RBFOX1: variants seen among roughly 807,000 people sequenced by gnomAD.
RBFOX1 encodes RNA binding protein fox-1 homolog 1.
A neutral mutation model predicts 57.7 loss-of-function variants in RBFOX1; 8 were observed. The observed-to-expected ratio is 0.14, with a 90% CI of 0.08 to 0.25. The LOEUF is 0.25. Ranked by LOEUF, RBFOX1 falls within the 10% of genes least tolerant of loss-of-function variation. RBFOX1 has a pLI of 1.00. For missense variants in RBFOX1, 611 were observed against 548.5 expected, an observed-to-expected ratio of 1.11 and a Z score of -1.14; for synonymous variants, 326 against 222.4, an observed-to-expected ratio of 1.47 and a Z score of -4.15.
chr16:7,187,986 A>G (rs1360342272), intron 4 of RBFOX1, among the ~76,000 whole-genome samples: 1 of 152,244 alleles, frequency 6.6e-6, no homozygotes, highest in Non-Finnish European at 1.5e-5. Context: ...TCGAGAATGT[A>G]TCTGACTGTG....
At chr16:7,109,243 G>A (rs891911368) in intron 4 of RBFOX1, among the ~76,000 whole-genome samples, 1 of 152,098 alleles carries the variant, frequency 6.6e-6, no homozygotes, top group Non-Finnish European at 1.5e-5. Flanking sequence ...TTAACCTTGG[G>A]ACCTCATATA....
At chr16:7,079,266 C>T (rs768119318) in intron 4 of RBFOX1, among the ~76,000 whole-genome samples, 19 of 152,234 alleles carry the variant, frequency 1.2e-4, no homozygotes, top group South Asian at 8.3e-4. Context: ...TCTGGCTCTG[C>T]CCCAACTGGA....
At chr16:6,705,212 C>A (rs897854696) in intron 3 of RBFOX1, 1 of 152,118 alleles carries the variant, frequency 6.6e-6, no homozygotes, top group Non-Finnish European at 1.5e-5. Context: ...TTTAAATGAA[C>A]AAATGGGTTG....
In RBFOX1 at chr16:7,026,332, C is replaced by T. The variant is rs115401127; in HGVS notation, c.-15-25725C>T. ...ATGTCTTTTAATTAACGGTTTAACT[C>T]GGGTATCCATGATGCAAGGGTTTTG... is the stretch of plus-strand genomic sequence containing the variant. On this transcript the variant is annotated intron_variant, in intron 3 of 15. Coordinates refer to ENST00000550418, the MANE Select transcript of RBFOX1 (RefSeq NM_018723.4). 3.0e-3 allele frequency among the ~76,000 whole-genome samples: 456 copies of T among 152,266 alleles called. 5 individuals are homozygous for T. The highest frequency in any genetic ancestry group is 0.01 in the African/African-American group (421 of 41,558).
chr16:7,157,034 A>G (rs1601344469), intron 4 of RBFOX1, among the ~76,000 whole-genome samples: 1 of 152,324 alleles, frequency 6.6e-6, no homozygotes, highest in East Asian at 1.9e-4. Context: ...AAGGAAATTT[A>G]CAAGGAGCTC....
chr16:7,117,138 A>G (rs1403210490), intron 4 of RBFOX1, among the ~76,000 whole-genome samples: 1 of 152,128 alleles, frequency 6.6e-6, no homozygotes, highest in Non-Finnish European at 1.5e-5. Context: ...TGAAGAAAAG[A>G]TAGTAAAGTG....
intron 4 of RBFOX1, among the ~76,000 whole-genome samples, chr16:7,457,225 G>C (rs567767089): frequency 6.6e-6 from 1 of 152,058 alleles, no homozygotes. Flanking sequence ...GCGGGTCCAT[G>C]AATGCAAGCA....
chr16:5,856,553 GTGTGTGTGTATGTGTGTGTGTGTA>G lies in RBFOX1; in HGVS notation c.319-10748_319-10725del, dbSNP rs1421687429. The stretch of plus-strand genomic sequence containing the variant: ...TATATGTGTATGTGTGTGTGTGTGT[GTGTGTGTGTATGTGTGTGTGTGTA>G]TATATATATATATATATATATATAT... On this transcript the variant is annotated intron_variant, in intron 3 of 19. Transcript: ENST00000641259. Among the ~76,000 whole-genome samples, 334 of 63,150 alleles carry G rather than the reference GTGTGTGTGTATGTGTGTGTGTGTA, an allele frequency of 5.3e-3. 5 individuals are homozygous for G. Among genetic ancestry groups the G allele is most frequent in the Non-Finnish European group, 7.9e-3 (260 of 32,904 alleles). The allele number at this position is 63,150 out of a possible 152,430, so 41.4% of individuals were successfully genotyped here.
chr16:7,068,149 T>C (rs2056548492), intron 4 of RBFOX1, among the ~76,000 whole-genome samples: 2 of 152,054 alleles, frequency 1.3e-5, no homozygotes, highest in Non-Finnish European at 2.9e-5. Context: ...AATCTCCCTA[T>C]TTTAAGATCC....
At chr16:6,945,327 C>G (rs1353395886) in intron 3 of RBFOX1, among the ~76,000 whole-genome samples, 1 of 152,128 alleles carries the variant, frequency 6.6e-6, no homozygotes, top group Admixed American at 6.6e-5. Context: ...CAGATGCTTA[C>G]CTAGGGCCAG....
At chr16:5,628,234 G>A (rs952880437) in intron 3 of RBFOX1, among the ~76,000 whole-genome samples, 6 of 152,142 alleles carry the variant, frequency 3.9e-5, no homozygotes, top group African/African-American at 1.4e-4. Flanking sequence ...TGAGGACTTG[G>A]GAGTTGAAAG....
intron 11 of RBFOX1, among the ~76,000 whole-genome samples, chr16:7,650,313 CTT>C (rs35693712): frequency 6.4e-4 from 89 of 138,804 alleles, no homozygotes; most frequent in Admixed American, 9.3e-4. Flanking sequence ...GTGGAACTCT[CTT>C]TTTTTTTTTT....
intron 4 of RBFOX1, among the ~76,000 whole-genome samples, chr16:7,428,065 C>G (rs1183885401): frequency 6.6e-6 from 1 of 152,128 alleles, no homozygotes; most frequent in Non-Finnish European, 1.5e-5. Flanking sequence ...AGTTGTGGCT[C>G]AAGTATTGCC....
intron 5 of RBFOX1, among the ~76,000 whole-genome samples, chr16:7,548,896 G>A (rs769194608): frequency 6.6e-5 from 10 of 152,192 alleles, no homozygotes; most frequent in Admixed American, 6.5e-5. Flanking sequence ...TAGTCACTAT[G>A]AAGACCTGAC....
chr16:6,480,050 G>GGA (rs1392240850), intron 2 of RBFOX1, among the ~76,000 whole-genome samples: 3 of 119,728 alleles, frequency 2.5e-5, no homozygotes, highest in Middle Eastern at 4.7e-3. Flanking sequence ...ACTCCACCTC[G>GGA]AAAAAAAAAA....
intron 4 of RBFOX1, among the ~76,000 whole-genome samples, chr16:7,160,580 C>T (rs1005557595): frequency 6.6e-6 from 1 of 152,138 alleles, no homozygotes; most frequent in African/African-American, 2.4e-5. Flanking sequence ...CTGCAGTTAG[C>T]TGAAAAGTCG....
At chr16:5,336,820 T>C (rs191985545) in intron 1 of RBFOX1, among the ~76,000 whole-genome samples, 25 of 152,310 alleles carry the variant, frequency 1.6e-4, no homozygotes, top group African/African-American at 6.0e-4. Flanking sequence ...AGGTGGACTT[T>C]AAATGGTGCT....
At chr16:6,799,407 T>C (rs138844901) in intron 3 of RBFOX1, among the ~76,000 whole-genome samples, 1 of 152,298 alleles carries the variant, frequency 6.6e-6, no homozygotes, top group African/African-American at 2.4e-5. Flanking sequence ...ATTAACCTAA[T>C]AAGGCGTGAG....
chr16:6,517,942 G>T (rs182588219), intron 2 of RBFOX1, among the ~76,000 whole-genome samples: 4 of 152,278 alleles, frequency 2.6e-5, no homozygotes, highest in African/African-American at 9.6e-5. Flanking sequence ...TGATGGTGAT[G>T]GTAATTGTGA....
Sources: gnomAD v4.1 joint callset for allele counts (sites outside exome capture counted in the v4.1 genomes callset) on GRCh38, gnomAD v4.1.1 for gene constraint, MANE v1.5 for transcripts, NCBI Gene and HGNC (gene_info 2026-07-23, HGNC 2026-07-21) for gene names.